HGFAC: variants seen among roughly 807,000 people sequenced by gnomAD.
HGFAC encodes HGF activator, also known as hepatocyte growth factor activator serine protease.
Under a neutral mutation model 70.6 loss-of-function variants are expected in HGFAC, and 76 were observed. The ratio of observed to expected loss-of-function variants is 1.08; its 90% CI spans 0.89 to 1.30. The LOEUF (loss-of-function observed/expected upper bound fraction) is 1.30, where lower values mean the gene tolerates loss of function less well. HGFAC is among the 50% of genes most tolerant of loss of function. The pLI is 0.00. For synonymous variants in HGFAC, 464 were observed against 405.3 expected (o/e 1.14, Z -1.74); for missense variants, 1,044 against 933.7 (o/e 1.12, Z -1.54).
At position 3,448,110 on chromosome 4, in the gene HGFAC, G is replaced by A. The variant is rs1339788510; in HGVS notation, c.1637-18G>A. The A allele has an allele frequency of 1.9e-6, 3 of 1,578,644 alleles. No individual in the cohort carries two copies. The highest frequency in any genetic ancestry group is 2.6e-6 in the Non-Finnish European group (3 of 1,163,202). On this transcript the variant is annotated intron_variant, in intron 12 of 13. Coordinates refer to ENST00000382774, the MANE Select transcript of HGFAC (RefSeq NM_001528.4). ...AGCCACAGTGTGGGTGTCACGCTGA[G>A]GGCATTGTGTCCCACAGACGTGAGC...
chr4:3,448,874 G>A (rs1330424311), intron 13 of HGFAC, among the ~76,000 whole-genome samples: 1 of 152,188 alleles, frequency 6.6e-6, no homozygotes, highest in Non-Finnish European at 1.5e-5. Context: ...AAGTCAGGAT[G>A]GTTTCCTGGA....
chr4:3,447,542 G>C lies in HGFAC; in HGVS notation c.1406G>C (p.Arg469Pro). 1.9e-6 allele frequency: 3 copies of C among 1,612,656 alleles called. No individual in the cohort carries two copies. Among genetic ancestry groups the C allele is most frequent in the Non-Finnish European group, 2.5e-6 (3 of 1,179,884 alleles). The change falls in exon 11 of 14, where the codon CGC (arginine) becomes CCC (proline). Residue 469 changes from arginine to proline, a missense_variant. Transcript: ENST00000382774. The part of the protein sequence containing the change: ...SVVLGQHFFN[R>P]TTDVTQTFGI... The stretch of plus-strand genomic sequence containing the variant: ...GTGCTGGGCCAGCACTTCTTCAACC[G>C]CACGACGGACGTGACGCAGACCTTC...
upstream of HGFAC, among the ~76,000 whole-genome samples, chr4:3,441,644 C>T (rs1725315558): frequency 6.6e-6 from 1 of 152,234 alleles, no homozygotes; most frequent in Admixed American, 6.5e-5. The surrounding 1 kb of genome is among the most constrained non-coding windows in gnomAD (Gnocchi z 6.0). Context: ...CAGATGGTGG[C>T]CAGCTCTGTG....
intron 13 of HGFAC, 64 bp from the exon 14 acceptor site, chr4:3,449,173 G>T (rs1214584203): frequency 3.4e-6 from 5 of 1,476,204 alleles, no homozygotes; most frequent in Non-Finnish European, 3.7e-6. Context: ...CTGCCACTTG[G>T]GGGAGAGGGG....
upstream of HGFAC, chr4:3,441,965 C>A: frequency 8.0e-7 from 1 of 1,255,480 alleles, no homozygotes; most frequent in Non-Finnish European, 1.1e-6. The surrounding 1 kb of genome is among the most constrained non-coding windows in gnomAD (Gnocchi z 6.0). Flanking sequence ...CCGCTCTGCT[C>A]CCGCCTCCCA....
Position 3,449,320 on chromosome 4 carries a change from G to T in HGFAC, c.1869G>T (p.Gly623=). 1.2e-5 allele frequency: 19 copies of T among 1,612,166 alleles called. No homozygotes were observed. The highest frequency in any genetic ancestry group is 1.6e-5 in the Non-Finnish European group (19 of 1,179,530). The change falls in exon 14 of 14, where the codon GGG becomes GGT. Residue 623 remains glycine, a synonymous_variant. Coordinates refer to ENST00000382774, the MANE Select transcript of HGFAC (RefSeq NM_001528.4). The part of the protein sequence containing the change: ...YGIISWGDGC[G]RLHKPGVYTR... ...TCATCAGCTGGGGTGACGGCTGCGG[G>T]CGGCTCCACAAGCCGGGGGTCTACA...
upstream of HGFAC, among the ~76,000 whole-genome samples, chr4:3,441,308 G>A (rs567160612): frequency 6.6e-6 from 1 of 152,290 alleles, no homozygotes; most frequent in Non-Finnish European, 1.5e-5. This position sits in a 1 kb window ranked among gnomAD's most constrained non-coding sequence, Gnocchi z 6.0. Context: ...CGGGGAGGAA[G>A]GGACACTCTG....
chr4:3,445,701 C>T (rs1018256209), intron 9 of HGFAC: 22 of 649,946 alleles, frequency 3.4e-5, no homozygotes, highest in Middle Eastern at 4.1e-4. Context: ...AGAGGCCCCC[C>T]GGCTCCCTAG....
chr4:3,448,332 A>T, intron 13 of HGFAC, 56 bp downstream of exon 13: 1 of 1,564,914 alleles, frequency 6.4e-7, no homozygotes, highest in South Asian at 1.2e-5. Flanking sequence ...GCTGGTCCTG[A>T]GTCTCCGAGA....
chr4:3,445,961 T>C, intron 9 of HGFAC, 81 bp from the exon 10 acceptor site: 3 of 1,572,916 alleles, frequency 1.9e-6, no homozygotes, highest in Non-Finnish European at 1.7e-6. Context: ...CTGCAGCGCC[T>C]CCTGCCGGGT....
Position 3,444,057 on chromosome 4 carries a change from C to T in HGFAC, c.494C>T (p.Ala165Val), listed in dbSNP as rs768444334. ...PGGPAALDPC[A>V]SGPCLNGGSC... ...TCCCCAGCTGCCCTGGATCCCTGTG[C>T]CTCCGGCCCCTGCCTCAATGGAGGC... The change falls in exon 5 of 14, where the codon GCC becomes GTC. Residue 165 changes from alanine (A) to valine (V), a missense_variant. Ala to Val is a moderately conservative substitution (Grantham distance 64). Coordinates refer to ENST00000382774, the MANE Select transcript of HGFAC (RefSeq NM_001528.4). The T allele has an allele frequency of 1.0e-5, 16 of 1,598,946 alleles. No individual in the cohort carries two copies. Among genetic ancestry groups the T allele is most frequent in the Middle Eastern group, 1.7e-4 (1 of 5,730 alleles).
Position 3,448,202 on chromosome 4 carries a change from G to T in HGFAC, c.1711G>T (p.Glu571Ter). The T allele has an allele frequency of 6.2e-7, 1 of 1,606,918 alleles. No individual in the cohort carries two copies. ...CGCCGACCACAAGTGCAGCAGCCCT[G>T]AGGTCTACGGCGCCGACATCAGCCC... The part of the protein sequence containing the change: ...LVADHKCSSP[E>*]VYGADISPNM... The change falls in exon 13 of 14, where the codon GAG becomes TAG. Residue 571 changes from glutamate to a stop codon, truncating the protein, a stop_gained. Coordinates refer to ENST00000382774, the MANE Select transcript of HGFAC (RefSeq NM_001528.4). LOFTEE classifies it high-confidence loss of function.
Position 3,443,150 on chromosome 4 carries a change from G to C in HGFAC, c.395+4G>C. ...AGGGCAGTGCACACAGGAAGTGGTGGGTCCGGGCAGCCGGGGCACCCGAGC... is the reference window on the plus strand; with the variant it reads ...AGGGCAGTGCACACAGGAAGTGGTGCGTCCGGGCAGCCGGGGCACCCGAGC... On this transcript the variant is annotated splice_donor_region_variant and intron_variant, in intron 3 of 13. Transcript: ENST00000382774. The C allele has an allele frequency of 6.6e-7, 1 of 1,523,092 alleles. No individual in the cohort carries two copies. The highest frequency in any genetic ancestry group is 2.1e-4 in the Middle Eastern group (1 of 4,774). 94.3% of individuals were successfully genotyped at this position (1,523,092 alleles called of 1,614,324 possible). A position where few individuals can be genotyped will look rare whatever the true frequency, so the allele number is the denominator to read the frequency against.
chr4:3,448,308 C>T, intron 13 of HGFAC, 32 bp downstream of exon 13: 2 of 1,600,764 alleles, frequency 1.2e-6, no homozygotes, highest in South Asian at 1.1e-5. Flanking sequence ...CAGGACCCGA[C>T]TGGTGGGGGC....
chr4:3,448,114 A>G lies in HGFAC; in HGVS notation c.1637-14A>G, dbSNP rs756904036. On this transcript the variant is annotated splice_polypyrimidine_tract_variant and intron_variant, in intron 12 of 13. Transcript: ENST00000382774. Reference sequence around the variant, plus strand: ...ACAGTGTGGGTGTCACGCTGAGGGCATTGTGTCCCACAGACGTGAGCGGCT... The same window carrying G: ...ACAGTGTGGGTGTCACGCTGAGGGCGTTGTGTCCCACAGACGTGAGCGGCT... 6.3e-6 allele frequency: 10 copies of G among 1,581,290 alleles called. No homozygotes were observed. In the South Asian group the frequency reaches 9.2e-5, roughly 15 times the overall value.
At chr4:3,442,477 C>T (rs1039484866) in intron 1 of HGFAC, among the ~76,000 whole-genome samples, 36 of 152,124 alleles carry the variant, frequency 2.4e-4, no homozygotes, top group South Asian at 6.2e-4. Context: ...CAAAAACTGA[C>T]GTCAGGGTTT....
chr4:3,442,730 A>G lies in HGFAC; in HGVS notation c.118-2A>G, dbSNP rs202125248. 2 of 1,490,982 alleles carry G rather than the reference A, an allele frequency of 1.3e-6. No individual in the cohort carries two copies. Among genetic ancestry groups the G allele is most frequent in the East Asian group, 2.4e-5 (1 of 41,246 alleles). 92.4% of individuals were successfully genotyped at this position (1,490,982 alleles called of 1,614,324 possible). A position where few individuals can be genotyped will look rare whatever the true frequency, so the allele number is the denominator to read the frequency against. ...CACTGACACCCTTTCTGCTCCTCCT[A>G]GAACCGTACGGAGTCCCCAGAACCT... On this transcript the variant is annotated splice_acceptor_variant, in intron 1 of 13. Coordinates refer to ENST00000382774, the MANE Select transcript of HGFAC (RefSeq NM_001528.4). LOFTEE classifies it high-confidence loss of function.
chr4:3,444,575 G>T lies in HGFAC; in HGVS notation c.731-48G>T, dbSNP rs757557625. The T allele has an allele frequency of 7.5e-5, 115 of 1,528,260 alleles. 1 individual carries two copies. In the Admixed American group the frequency reaches 1.7e-3, roughly 22 times the overall value. 94.7% of individuals were successfully genotyped at this position (1,528,260 alleles called of 1,614,324 possible). ...GGACCCCGGCCCCGACTCCGCTGTC[G>T]TGGGGCACTGCGCGGCCCCTGGCCC... On this transcript the variant is annotated intron_variant, in intron 6 of 13. Transcript: ENST00000382774.
Position 3,444,337 on chromosome 4 carries a change from G to C in HGFAC, c.625G>C (p.Glu209Gln). 1.9e-6 allele frequency: 3 copies of C among 1,596,918 alleles called. No individual in the cohort carries two copies. The highest frequency in any genetic ancestry group is 1.7e-5 in the Admixed American group (1 of 57,344). Reference sequence around the variant, plus strand: ...GAAATGCTTTGATGAGACCCGCTACGAGTACCTGGAGGGGGGCGACCGCTG... The same window carrying C: ...GAAATGCTTTGATGAGACCCGCTACCAGTACCTGGAGGGGGGCGACCGCTG... ...TEKCFDETRY[E>Q]YLEGGDRWAR... Residue 209 changes from glutamate to glutamine, a missense_variant, in exon 6 of 14, where the codon GAG becomes CAG. Glu to Gln is a conservative substitution (Grantham distance 29, BLOSUM62 2). Coordinates refer to ENST00000382774, the MANE Select transcript of HGFAC (RefSeq NM_001528.4).
Sources: allele counts gnomAD v4.1 joint callset (sites outside exome capture counted in the v4.1 genomes callset), GRCh38; gene constraint gnomAD v4.1.1; non-coding constraint Gnocchi (gnomAD v3.1); transcripts MANE v1.5; gene names NCBI Gene and HGNC (gene_info 2026-07-23, HGNC 2026-07-21).